The following CTIF variants were observed in gnomAD, a reference collection of about 807,000 sequenced individuals.
CTIF encodes cap binding complex dependent translation initiation factor.
In CTIF, 21 loss-of-function variants were observed where a neutral mutation model predicts 66.0. The ratio of observed to expected loss-of-function variants is 0.32; its 90% CI spans 0.23 to 0.46. The LOEUF is 0.46. Among genes scored for constraint, CTIF ranks in the 20% least tolerant of loss-of-function variants. The probability of loss-of-function intolerance (pLI) is 1.00; values close to 1 mark genes in which losing one functional copy is unlikely to be tolerated. For missense variants in CTIF, 739 were observed against 812.7 expected (o/e 0.91, Z 1.10); for synonymous variants, 345 against 326.4 (o/e 1.06, Z -0.62).
chr18:48,762,371 C>T (rs917699547), intron 9 of CTIF, among the ~76,000 whole-genome samples: 8 of 152,154 alleles, frequency 5.3e-5, no homozygotes, highest in Non-Finnish European at 7.4e-5. Flanking sequence ...TGCACTTGGA[C>T]GGAGCTTAGC....
intron 6 of CTIF, chr18:48,688,225 G>C (rs925393722): frequency 6.6e-6 from 1 of 152,302 alleles, no homozygotes; most frequent in African/African-American, 2.4e-5. Context: ...GGCCTGAAGG[G>C]CAAGGGCTCT....
chr18:48,640,033 AG>A (rs1358109323), intron 3 of CTIF, among the ~76,000 whole-genome samples: 1 of 152,146 alleles, frequency 6.6e-6, no homozygotes, highest in African/African-American at 2.4e-5. Flanking sequence ...CCTGTCATGC[AG>A]GGGCTCTCTG....
At chr18:48,764,816 G>T (rs1043715026) in intron 9 of CTIF, among the ~76,000 whole-genome samples, 8 of 152,228 alleles carry the variant, frequency 5.3e-5, no homozygotes, top group Non-Finnish European at 8.8e-5. Flanking sequence ...GGAGCCCCTT[G>T]AGAGTATAAC....
At chr18:48,594,371 G>T (rs1394404061) in intron 1 of CTIF, among the ~76,000 whole-genome samples, 1 of 115,924 alleles carries the variant, frequency 8.6e-6, no homozygotes, top group Non-Finnish European at 1.6e-5. Context: ...TATATAGCCA[G>T]TCCTGCTTGC....
intron 3 of CTIF, 88 bp from the exon 4 acceptor site, chr18:48,663,664 G>GC (rs2091385006): frequency 4.9e-6 from 6 of 1,236,036 alleles, no homozygotes; most frequent in Non-Finnish European, 7.2e-6. Flanking sequence ...GCTCACTCCA[G>GC]CCCCCCAGCC....
chr18:48,701,367 T>C (rs1234652685), intron 6 of CTIF, among the ~76,000 whole-genome samples: 1 of 152,220 alleles, frequency 6.6e-6, no homozygotes, highest in East Asian at 1.9e-4. Context: ...TCCAGTTCCA[T>C]TCTCTTGTGC....
At chr18:48,719,259 G>A (rs891304850) in intron 7 of CTIF, among the ~76,000 whole-genome samples, 11 of 152,108 alleles carry the variant, frequency 7.2e-5, no homozygotes, top group African/African-American at 2.7e-4. Context: ...CAAGGACTCT[G>A]GGGGATACCA....
At chr18:48,597,690 C>T (rs2090012106) in intron 1 of CTIF, among the ~76,000 whole-genome samples, 1 of 152,186 alleles carries the variant, frequency 6.6e-6, no homozygotes, top group South Asian at 2.1e-4. Flanking sequence ...AATGCTTGTA[C>T]AGCCTGCAGA....
chr18:48,817,392 C>T lies in CTIF; in HGVS notation c.1527+16C>T. 1 of 1,600,486 alleles carries T rather than the reference C, an allele frequency of 6.2e-7. No individual in the cohort carries two copies. The highest frequency in any genetic ancestry group is 1.7e-4 in the Middle Eastern group (1 of 6,016). On this transcript the variant is annotated intron_variant, in intron 10 of 11. Transcript: ENST00000256413. Reference sequence around the variant, plus strand: ...CCTCAGGGAGGTAAGAGACCTGCCGCCTGTGCCCCCTGCACAGCCAGACAG... The same window carrying T: ...CCTCAGGGAGGTAAGAGACCTGCCGTCTGTGCCCCCTGCACAGCCAGACAG...
intron 10 of CTIF, among the ~76,000 whole-genome samples, chr18:48,839,351 C>G (rs955616507): frequency 6.6e-6 from 1 of 152,158 alleles, no homozygotes; most frequent in African/African-American, 2.4e-5. Flanking sequence ...TGTCCCTGAG[C>G]CTCCTCTCCT....
chr18:48,604,809 C>A (rs1227465709), intron 1 of CTIF, among the ~76,000 whole-genome samples: 2 of 152,186 alleles, frequency 1.3e-5, no homozygotes, highest in Admixed American at 6.5e-5. Flanking sequence ...CAGTTGTAAG[C>A]AAACACCATT....
chr18:48,852,675 A>G (rs2069234573), intron 10 of CTIF, among the ~76,000 whole-genome samples: 1 of 152,202 alleles, frequency 6.6e-6, no homozygotes, highest in East Asian at 1.9e-4. Context: ...GTAACTACTT[A>G]ACCAGTCCCC....
At chr18:48,544,459 ACAT>A (rs922910064) in intron 1 of CTIF, among the ~76,000 whole-genome samples, 2 of 152,210 alleles carry the variant, frequency 1.3e-5, no homozygotes, top group African/African-American at 4.8e-5. Flanking sequence ...TTGCTGTCTG[ACAT>A]CATTATGATG....
intron 1 of CTIF, chr18:48,566,461 T>C (rs1425544431): frequency 6.6e-6 from 1 of 152,222 alleles, no homozygotes; most frequent in Non-Finnish European, 1.5e-5. Flanking sequence ...CAAAATAGGT[T>C]CTGTGACTGG....
intron 9 of CTIF, among the ~76,000 whole-genome samples, chr18:48,812,246 G>A (rs536603232): frequency 2.0e-5 from 3 of 152,174 alleles, no homozygotes; most frequent in Admixed American, 6.5e-5. Context: ...TTATAGGTGT[G>A]AGCCACCGCG....
At chr18:48,572,283 T>C (rs1306717017) in intron 1 of CTIF, among the ~76,000 whole-genome samples, 2 of 152,126 alleles carry the variant, frequency 1.3e-5, no homozygotes, top group Non-Finnish European at 2.9e-5. Flanking sequence ...ATCTGAAAAA[T>C]ACCTTCAAAG....
At chr18:48,610,580 G>T (rs564285528) in intron 1 of CTIF, among the ~76,000 whole-genome samples, 1 of 152,266 alleles carries the variant, frequency 6.6e-6, no homozygotes, top group Admixed American at 6.5e-5. Flanking sequence ...ACACTCCTGC[G>T]GGCTGCTCTC....
At chr18:48,693,372 C>T (rs1319137694) in intron 6 of CTIF, among the ~76,000 whole-genome samples, 3 of 152,188 alleles carry the variant, frequency 2.0e-5, no homozygotes, top group Middle Eastern at 3.2e-3. Context: ...GTTGTAGACT[C>T]GCCTGGGGAG....
chr18:48,771,916 C>T (rs945361511), intron 9 of CTIF, among the ~76,000 whole-genome samples: 4 of 152,260 alleles, frequency 2.6e-5, no homozygotes, highest in Non-Finnish European at 5.9e-5. Context: ...CCTCTACCTG[C>T]CGTGGCTGCC....
Sources: gnomAD v4.1 joint callset for allele counts (sites outside exome capture counted in the v4.1 genomes callset) on GRCh38, gnomAD v4.1.1 for gene constraint, MANE v1.5 for transcripts, NCBI Gene and HGNC (gene_info 2026-07-23, HGNC 2026-07-21) for gene names.